The following PCLO variants were observed in gnomAD, a reference collection of about 807,000 sequenced individuals.
PCLO encodes protein piccolo.
In PCLO, 82 loss-of-function variants were observed where a neutral mutation model predicts 427.5. The observed-to-expected ratio is 0.19, with a 90% CI of 0.16 to 0.23. The LOEUF (loss-of-function observed/expected upper bound fraction) is 0.23, where lower values mean the gene tolerates loss of function less well. PCLO is among the 10% of genes least tolerant of loss of function. The pLI, the probability that PCLO is intolerant of heterozygous loss-of-function variation, is 1.00. For missense variants in PCLO, 6,239 were observed against 6,115.9 expected, an observed-to-expected ratio of 1.02 and a Z score of -0.67; for synonymous variants, 2,357 against 2,155.4, an observed-to-expected ratio of 1.09 and a Z score of -2.59.
chr7:83,122,291 T>C lies in PCLO; in HGVS notation c.3300+11959A>G, dbSNP rs200148967. 4.9e-3 allele frequency among the ~76,000 whole-genome samples: 334 copies of C among 68,298 alleles called. 1 individual carries two copies. Among genetic ancestry groups the C allele is most frequent in the East Asian group, 0.041 (61 of 1,494 alleles). The allele number at this position is 68,298 out of a possible 152,430, so 44.8% of individuals were successfully genotyped here. On this transcript the variant is annotated intron_variant, in intron 3 of 24. Transcript: ENST00000333891. ...TTCTTTCTTTCTTTTCTTTTCTTTTTTTTTTTTTTTTTTTTATGGTGTTTT... is the reference window on the plus strand; with the variant it reads ...TTCTTTCTTTCTTTTCTTTTCTTTTCTTTTTTTTTTTTTTTATGGTGTTTT...
chr7:82,988,168 T>C (rs1332932005), intron 3 of PCLO, among the ~76,000 whole-genome samples: 1 of 152,018 alleles, frequency 6.6e-6, no homozygotes, highest in Non-Finnish European at 1.5e-5. Context: ...GCATGTACCA[T>C]CATGACCAGC....
At chr7:82,783,633 A>G (rs1790923386) in intron 22 of PCLO, among the ~76,000 whole-genome samples, 1 of 151,770 alleles carries the variant, frequency 6.6e-6, no homozygotes, top group Non-Finnish European at 1.5e-5. Flanking sequence ...AAACCAACCA[A>G]CCAAACAAAA....
Position 83,156,046 on chromosome 7 carries a change from C to T in PCLO, c.595G>A (p.Glu199Lys), listed in dbSNP as rs1395479813. The change falls in exon 2 of 25, where the codon GAG becomes AAG. Residue 199 changes from glutamate (E) to lysine (K), a missense_variant. Around this residue, in one of 5 missense-constraint regions of PCLO, gnomAD observed 4,677 missense variants for 4,468.4 expected, o/e 1.05. Coordinates refer to ENST00000333891, the MANE Select transcript of PCLO (RefSeq NM_033026.6). Reference protein sequence around the residue: ...TTKKQKVVQKEQGKPEGIIKP... With the variant: ...TTKKQKVVQKKQGKPEGIIKP... ...ATGATTCCTTCAGGTTTTCCTTGCT[C>T]CTTCTGAACCACTTTTTGTTTCTTG... The T allele has an allele frequency of 1.1e-5, 17 of 1,613,220 alleles. No individual in the cohort carries two copies. Among genetic ancestry groups the T allele is most frequent in the Middle Eastern group, 1.6e-4 (1 of 6,084 alleles).
intron 2 of PCLO, among the ~76,000 whole-genome samples, chr7:83,153,482 T>G (rs1209691595): frequency 6.6e-6 from 1 of 152,200 alleles, no homozygotes; most frequent in East Asian, 1.9e-4. Flanking sequence ...ATTGTTATTA[T>G]CATGATAGAT....
At chr7:82,980,772 G>GA (rs967617156) in intron 3 of PCLO, among the ~76,000 whole-genome samples, 3 of 151,688 alleles carry the variant, frequency 2.0e-5, no homozygotes, top group African/African-American at 7.3e-5. Flanking sequence ...ACATTGCCAA[G>GA]AAAAAAAATG....
chr7:82,829,963 C>T (rs1299821986), intron 16 of PCLO, among the ~76,000 whole-genome samples: 1 of 151,596 alleles, frequency 6.6e-6, no homozygotes, highest in South Asian at 2.1e-4. Flanking sequence ...TGATCAAAAA[C>T]TTAATATGGT....
At position 82,822,431 on chromosome 7, in the gene PCLO, A is replaced by T. The variant is rs750270053; in HGVS notation, c.14791+64T>A. ...CTGAAAGCAAACAGGAAAGGACAGC[A>T]GGAAAGAAAGGCAACAGATGAACAT... On this transcript the variant is annotated intron_variant, in intron 20 of 24. Coordinates refer to ENST00000333891, the MANE Select transcript of PCLO (RefSeq NM_033026.6). 6.2e-6 allele frequency: 10 copies of T among 1,611,734 alleles called. No individual in the cohort carries two copies. The South Asian group carries it at 1.1e-4, about 18-fold the overall frequency.
At chr7:82,828,264 A>C (rs1792002192) in intron 16 of PCLO, among the ~76,000 whole-genome samples, 1 of 152,102 alleles carries the variant, frequency 6.6e-6, no homozygotes, top group East Asian at 1.9e-4. Flanking sequence ...TGTAGGAGAT[A>C]ATTACATGAA....
rs1227012602 is a variant in PCLO, at chr7:82,838,348, GGAGA to G, written c.14098-10_14098-7del. 1 of 1,432,720 alleles carries G rather than the reference GGAGA, an allele frequency of 7.0e-7. No homozygotes were observed. Among genetic ancestry groups the G allele is most frequent in the Admixed American group, 2.1e-5 (1 of 47,994 alleles). 88.8% of individuals were successfully genotyped at this position (1,432,720 alleles called of 1,614,324 possible). A position where few individuals can be genotyped will look rare whatever the true frequency, so the allele number is the denominator to read the frequency against. ...AGATCATAGTTAATTTGAAGCTTTA[GGAGA>G]GAGAAAAATATTCCATAAGTTTTTA... On this transcript the variant is annotated splice_polypyrimidine_tract_variant and splice_region_variant and intron_variant, in intron 14 of 24. Coordinates refer to ENST00000333891, the MANE Select transcript of PCLO (RefSeq NM_033026.6).
chr7:82,909,064 G>A, intron 7 of PCLO, 51 bp from the exon 8 acceptor site: 4 of 1,587,990 alleles, frequency 2.5e-6, no homozygotes, highest in Non-Finnish European at 3.4e-6. Context: ...TAATACAGAT[G>A]ATTGAGGGAA....
intron 3 of PCLO, among the ~76,000 whole-genome samples, chr7:83,125,424 C>T (rs1242649233): frequency 6.6e-6 from 1 of 152,132 alleles, no homozygotes; most frequent in Non-Finnish European, 1.5e-5. Context: ...GCCATGATGA[C>T]GATGGTGGTT....
At chr7:83,141,834 A>T (rs991699366) in intron 2 of PCLO, among the ~76,000 whole-genome samples, 2 of 152,240 alleles carry the variant, frequency 1.3e-5, no homozygotes, top group Non-Finnish European at 2.9e-5. Flanking sequence ...TTCAAAATAA[A>T]GTATCAAAGC....
At chr7:82,845,578 CATT>C in intron 12 of PCLO, 93 bp from the exon 13 acceptor site, 2 of 782,186 alleles carry the variant, frequency 2.6e-6, no homozygotes, top group East Asian at 5.4e-5. Flanking sequence ...AAAGGTAAAA[CATT>C]ACCTATAAAA....
At chr7:82,783,634 CCAAA>C (rs1790923621) in intron 22 of PCLO, among the ~76,000 whole-genome samples, 1 of 151,136 alleles carries the variant, frequency 6.6e-6, no homozygotes, top group Admixed American at 6.6e-5. Flanking sequence ...AACCAACCAA[CCAAA>C]CAAAAATTGC....
intron 8 of PCLO, among the ~76,000 whole-genome samples, chr7:82,904,855 CAG>C (rs1195838519): frequency 2.6e-5 from 4 of 152,010 alleles, no homozygotes; most frequent in Non-Finnish European, 5.9e-5. Flanking sequence ...CCTATAGTTT[CAG>C]AGACTGTCTA....
intron 3 of PCLO, among the ~76,000 whole-genome samples, chr7:83,099,077 G>A (rs184432780): frequency 2.0e-5 from 3 of 151,686 alleles, no homozygotes; most frequent in South Asian, 4.2e-4. Flanking sequence ...TTACAAAAAC[G>A]CTAACCATAT....
rs1371770010 is a variant in PCLO, at chr7:82,956,794, C to T, written c.4159G>A (p.Asp1387Asn). 1 of 1,613,708 alleles carries T rather than the reference C, an allele frequency of 6.2e-7. No individual in the cohort carries two copies. The highest frequency in any genetic ancestry group is 1.7e-5 in the Admixed American group (1 of 59,992). ...IPSLIPTDEK[D>N]ILKGLKKDSF... ...TCCTTTTTGAGTCCCTTGAGAATAT[C>T]CTTTTCATCAGTTGGAATAAGACTT... Residue 1387 changes from aspartate to asparagine, a missense_variant, in exon 5 of 25, where the codon GAT becomes AAT. Physicochemically the swap from Asp to Asn is conservative, Grantham distance 23. This residue lies in a region of PCLO where 4,677 missense variants were observed against 4,468.4 expected (regional missense o/e 1.05). Coordinates refer to ENST00000333891, the MANE Select transcript of PCLO (RefSeq NM_033026.6).
At chr7:82,947,272 T>A (rs968993961) in intron 6 of PCLO, among the ~76,000 whole-genome samples, 1 of 152,188 alleles carries the variant, frequency 6.6e-6, no homozygotes, top group Non-Finnish European at 1.5e-5. Flanking sequence ...GTGTATTATG[T>A]GTGTCACTGT....
At position 83,075,194 on chromosome 7, in the gene PCLO, A is replaced by G. The variant is rs554175844; in HGVS notation, c.3300+59056T>C. On this transcript the variant is annotated intron_variant, in intron 3 of 24. Transcript: ENST00000333891. The stretch of plus-strand genomic sequence containing the variant: ...AAAAGACACGTAAAAATTGAGAGAT[A>G]TCACCAAGTATAAGTGCTAAGTAGT... 8.5e-5 allele frequency among the ~76,000 whole-genome samples: 13 copies of G among 152,300 alleles called. No homozygotes were observed. The South Asian group carries it at 2.7e-3, about 32-fold the overall frequency.
Sources: gnomAD v4.1 joint callset for allele counts (sites outside exome capture counted in the v4.1 genomes callset) on GRCh38, gnomAD v4.1.1 for gene constraint, gnomAD v4.1.1 regional missense constraint, MANE v1.5 for transcripts, NCBI Gene and HGNC (gene_info 2026-07-23, HGNC 2026-07-21) for gene names.